Variants in PDZRN3 observed in about 807,000 individuals in gnomAD.
PDZRN3 encodes the protein E3 ubiquitin-protein ligase PDZRN3.
Under a neutral mutation model 85.7 loss-of-function variants are expected in PDZRN3, and 38 were observed. The ratio of observed to expected loss-of-function variants is 0.44; its 90% CI spans 0.34 to 0.58. PDZRN3 has a LOEUF of 0.58. Ranked by LOEUF, PDZRN3 falls within the 20% of genes least tolerant of loss-of-function variation. PDZRN3 has a pLI of 0.01. For missense variants in PDZRN3, 1,629 were observed against 1,506.4 expected (o/e 1.08, Z -1.35); for synonymous variants, 759 against 638.0 (o/e 1.19, Z -2.86).
intron 5 of PDZRN3, among the ~76,000 whole-genome samples, chr3:73,392,191 A>C (rs925033431): frequency 4.6e-5 from 7 of 152,242 alleles, no homozygotes; most frequent in Admixed American, 4.6e-4. Context: ...CAGGTGCAAA[A>C]GCCCTAGGCC....
chr3:73,569,628 G>T (rs952508660), intron 3 of PDZRN3: 1 of 957,716 alleles, frequency 1.0e-6, no homozygotes, highest in Non-Finnish European at 1.2e-6. Flanking sequence ...TGTGTCTGGG[G>T]TCTTCTCCAG....
At chr3:73,554,102 A>G (rs114771099) in intron 3 of PDZRN3, among the ~76,000 whole-genome samples, 110 of 152,224 alleles carry the variant, frequency 7.2e-4, no homozygotes, top group African/African-American at 2.6e-3. Flanking sequence ...CCTGAGATGG[A>G]GAATAGAGGG....
intron 3 of PDZRN3, among the ~76,000 whole-genome samples, chr3:73,484,658 G>A (rs1383021733): frequency 6.6e-6 from 1 of 152,224 alleles, no homozygotes; most frequent in Non-Finnish European, 1.5e-5. Context: ...ACCTTGAAGA[G>A]GACTAGGTAT....
intron 3 of PDZRN3, among the ~76,000 whole-genome samples, chr3:73,525,601 C>A (rs770702290): frequency 6.6e-6 from 1 of 152,198 alleles, no homozygotes; most frequent in Non-Finnish European, 1.5e-5. Context: ...ATTGGGAATA[C>A]GTTTTAAGCT....
chr3:73,507,597 C>A (rs999434636), intron 3 of PDZRN3, among the ~76,000 whole-genome samples: 1 of 152,198 alleles, frequency 6.6e-6, no homozygotes, highest in African/African-American at 2.4e-5. Context: ...GAAACTGTAT[C>A]ACTTCTGTAA....
chr3:73,528,350 A>C (rs978474384), intron 3 of PDZRN3, among the ~76,000 whole-genome samples: 2 of 152,182 alleles, frequency 1.3e-5, no homozygotes, highest in African/African-American at 2.4e-5. Flanking sequence ...AAAACATTTC[A>C]ATGGGAAGAA....
chr3:73,561,092 A>G (rs1042775629), intron 3 of PDZRN3, among the ~76,000 whole-genome samples: 9 of 152,242 alleles, frequency 5.9e-5, no homozygotes, highest in African/African-American at 1.4e-4. Context: ...CTTTACACAC[A>G]TGACTTTCTC....
At chr3:73,421,431 C>T (rs925983142) in intron 3 of PDZRN3, among the ~76,000 whole-genome samples, 5 of 152,150 alleles carry the variant, frequency 3.3e-5, no homozygotes, top group African/African-American at 1.2e-4. Flanking sequence ...ACACTGTGAG[C>T]AAGTGGCTAT....
chr3:73,494,960 G>C (rs1703839298), intron 3 of PDZRN3, among the ~76,000 whole-genome samples: 1 of 152,176 alleles, frequency 6.6e-6, no homozygotes, highest in Admixed American at 6.5e-5. Context: ...TTGTAAGTGG[G>C]AGCTAAACAT....
chr3:73,402,481 G>T (rs1701768864), intron 4 of PDZRN3: 1 of 152,268 alleles, frequency 6.6e-6, no homozygotes, highest in Admixed American at 6.5e-5. Context: ...TGGTGAGTCT[G>T]CAGTTCCTCA....
At chr3:73,553,380 C>A (rs1055674209) in intron 3 of PDZRN3, among the ~76,000 whole-genome samples, 8 of 152,034 alleles carry the variant, frequency 5.3e-5, no homozygotes, top group Admixed American at 1.3e-4. Context: ...TCGAGACCAG[C>A]CTGACCAACA....
At chr3:73,527,504 T>C (rs1245849343) in intron 3 of PDZRN3, among the ~76,000 whole-genome samples, 1 of 152,140 alleles carries the variant, frequency 6.6e-6, no homozygotes, top group Admixed American at 6.5e-5. Flanking sequence ...TCTCTTATGA[T>C]AAAATATGAA....
In PDZRN3 at chr3:73,449,794, T is replaced by G. The variant is rs551075044; in HGVS notation, c.919-45399A>C. Among the ~76,000 whole-genome samples, 4 of 152,328 alleles carry G rather than the reference T, an allele frequency of 2.6e-5. No homozygotes were observed. The South Asian group carries it at 8.3e-4, about 32-fold the overall frequency. ...TGGCACAGGCTGCAAAAGAATATAT[T>G]GCCTCCCTTAAATTGACTTCTCGAC... On this transcript the variant is annotated intron_variant, in intron 3 of 9. Coordinates refer to ENST00000263666, the MANE Select transcript of PDZRN3 (RefSeq NM_015009.3).
intron 1 of PDZRN3, among the ~76,000 whole-genome samples, chr3:73,616,084 G>A (rs1267634063): frequency 6.6e-6 from 1 of 152,124 alleles, no homozygotes; most frequent in Non-Finnish European, 1.5e-5. Flanking sequence ...AAAAGAGCCT[G>A]GAACTTCTCT....
chr3:73,608,244 G>A (rs76318892), intron 2 of PDZRN3, among the ~76,000 whole-genome samples: 2,967 of 152,238 alleles, frequency 0.019, 107 homozygotes, highest in African/African-American at 0.068. Context: ...CCACACTCCA[G>A]CTCGGTCTAG....
rs137897171 is a variant in PDZRN3, at chr3:73,618,611, C to T, written c.723+5492G>A. Among the ~76,000 whole-genome samples, 1,370 of 152,338 alleles carry T rather than the reference C, an allele frequency of 9.0e-3. 22 individuals carry two copies. The highest frequency in any genetic ancestry group is 0.032 in the African/African-American group (1,311 of 41,570). On this transcript the variant is annotated intron_variant, in intron 1 of 9. Coordinates refer to ENST00000263666, the MANE Select transcript of PDZRN3 (RefSeq NM_015009.3). ...TATTATTTTCTTTTCTTTTAAGCTC[C>T]TTGGTCTACGGTCCAATGCATAATT...
At chr3:73,433,841 C>T (rs193118591) in intron 3 of PDZRN3, 53 of 1,452,754 alleles carry the variant, frequency 3.6e-5, no homozygotes, top group East Asian at 3.0e-4. Context: ...TTCACATTGG[C>T]GCTGCTCTCA....
intron 3 of PDZRN3, among the ~76,000 whole-genome samples, chr3:73,548,036 T>C (rs1575727680): frequency 6.6e-6 from 1 of 152,094 alleles, no homozygotes; most frequent in East Asian, 1.9e-4. Context: ...AACGAAGAGG[T>C]TGTGGAGTGC....
chr3:73,611,500 T>C (rs1383847937), intron 1 of PDZRN3, among the ~76,000 whole-genome samples: 2 of 152,244 alleles, frequency 1.3e-5, no homozygotes, highest in African/African-American at 4.8e-5. Context: ...TATAAGCATC[T>C]TGATCTAGTC....
Sources: allele counts gnomAD v4.1 joint callset (sites outside exome capture counted in the v4.1 genomes callset), GRCh38; gene constraint gnomAD v4.1.1; transcripts MANE v1.5; gene names NCBI Gene and HGNC (gene_info 2026-07-23, HGNC 2026-07-21).